CTNNA2: variants seen among roughly 807,000 people sequenced by gnomAD.
CTNNA2 encodes the protein catenin alpha-2.
In CTNNA2, 42 loss-of-function variants were observed where a neutral mutation model predicts 101.0. The ratio of observed to expected loss-of-function variants is 0.42; its 90% CI spans 0.32 to 0.54. CTNNA2 has a LOEUF of 0.54. Ranked by LOEUF, CTNNA2 falls within the 20% of genes least tolerant of loss-of-function variation. The pLI is 0.14. For missense variants in CTNNA2, 871 were observed against 1,223.1 expected, an observed-to-expected ratio of 0.71 and a Z score of 4.29; for synonymous variants, 450 against 456.4, an observed-to-expected ratio of 0.99 and a Z score of 0.18.
At chr2:79,194,078 G>A (rs1042470353) in intron 1 of CTNNA2, among the ~76,000 whole-genome samples, 1 of 152,180 alleles carries the variant, frequency 6.6e-6, no homozygotes. Context: ...TGGATGTTAT[G>A]TATTCGGAGG....
intron 7 of CTNNA2, among the ~76,000 whole-genome samples, chr2:80,041,922 G>A (rs1696087420): frequency 6.6e-6 from 1 of 152,076 alleles, no homozygotes; most frequent in Non-Finnish European, 1.5e-5. Context: ...AATAACAGCA[G>A]TTGATAATCT....
intron 2 of CTNNA2, among the ~76,000 whole-genome samples, chr2:79,659,723 G>A (rs533286946): frequency 6.6e-6 from 1 of 152,306 alleles, no homozygotes; most frequent in East Asian, 1.9e-4. Flanking sequence ...GGGGCCAGGA[G>A]CAGTGGCTCA....
chr2:79,931,880 G>T (rs565928112), intron 7 of CTNNA2, among the ~76,000 whole-genome samples: 1 of 152,282 alleles, frequency 6.6e-6, no homozygotes, highest in Admixed American at 6.5e-5. Context: ...TCCTGGAGAG[G>T]TCACCTACTC....
At chr2:79,477,371 A>T (rs935507488) in intron 4 of CTNNA2, among the ~76,000 whole-genome samples, 4 of 151,794 alleles carry the variant, frequency 2.6e-5, no homozygotes, top group African/African-American at 9.7e-5. Context: ...GGATTTCACC[A>T]TGTTGGCCAG....
intron 3 of CTNNA2, among the ~76,000 whole-genome samples, chr2:79,360,607 G>A (rs892757004): frequency 1.3e-5 from 2 of 152,184 alleles, no homozygotes; most frequent in Non-Finnish European, 1.5e-5. Context: ...AATAACTAAT[G>A]AGACAGGAAA....
chr2:79,874,402 T>C (rs1682843553), intron 6 of CTNNA2, 60 bp downstream of exon 6: 3 of 1,443,752 alleles, frequency 2.1e-6, no homozygotes, highest in Non-Finnish European at 2.8e-6. Context: ...AAAAAAAAAA[T>C]GTATTGAGGA....
chr2:79,863,415 T>A (rs1373884644), intron 4 of CTNNA2, among the ~76,000 whole-genome samples: 1 of 152,104 alleles, frequency 6.6e-6, no homozygotes, highest in East Asian at 1.9e-4. Context: ...AAATGAGGTT[T>A]GCCTCTCCTC....
intron 1 of CTNNA2, among the ~76,000 whole-genome samples, chr2:79,522,361 C>T (rs1017512362): frequency 2.6e-5 from 4 of 152,102 alleles, no homozygotes; most frequent in South Asian, 4.1e-4. Context: ...TTGAGGGGCA[C>T]GGTCCTGGAG....
At chr2:79,405,380 G>A (rs1286508280) in intron 4 of CTNNA2, among the ~76,000 whole-genome samples, 1 of 151,974 alleles carries the variant, frequency 6.6e-6, no homozygotes, top group Non-Finnish European at 1.5e-5. Flanking sequence ...GGCTGGAGTG[G>A]AGTGGTGTGA....
At chr2:79,590,294 T>C (rs796919313) in intron 1 of CTNNA2, among the ~76,000 whole-genome samples, 52 of 152,358 alleles carry the variant, frequency 3.4e-4, no homozygotes, top group African/African-American at 1.2e-3. Flanking sequence ...TGTTCCTGTG[T>C]TTTTTGTAAT....
At chr2:80,226,553 T>A (rs1708899802) in intron 7 of CTNNA2, among the ~76,000 whole-genome samples, 1 of 152,244 alleles carries the variant, frequency 6.6e-6, no homozygotes, top group Non-Finnish European at 1.5e-5. Flanking sequence ...GGCATCACTC[T>A]GATTTGACTG....
chr2:79,342,702 G>T (rs1346992847), intron 3 of CTNNA2, among the ~76,000 whole-genome samples: 6 of 152,224 alleles, frequency 3.9e-5, no homozygotes, highest in African/African-American at 1.2e-4. Flanking sequence ...TAGTCGTTCT[G>T]GTGCTAACAA....
chr2:80,534,075 G>C (rs1450478659), intron 9 of CTNNA2, among the ~76,000 whole-genome samples: 1 of 152,116 alleles, frequency 6.6e-6, no homozygotes, highest in Non-Finnish European at 1.5e-5. Context: ...CTACATTAAA[G>C]TCACCAGGGC....
At chr2:79,626,691 G>T (rs966153841) in intron 1 of CTNNA2, among the ~76,000 whole-genome samples, 1 of 150,864 alleles carries the variant, frequency 6.6e-6, no homozygotes, top group Non-Finnish European at 1.5e-5. Context: ...TGTGGGAAAT[G>T]AATATGAATC....
chr2:79,995,388 A>G (rs947811299), intron 7 of CTNNA2, among the ~76,000 whole-genome samples: 1 of 152,164 alleles, frequency 6.6e-6, no homozygotes, highest in Admixed American at 6.5e-5. Context: ...CCTGTGAGGA[A>G]GCAGCCTACC....
At chr2:80,513,008 C>A (rs984678957) in intron 9 of CTNNA2, among the ~76,000 whole-genome samples, 19 of 152,142 alleles carry the variant, frequency 1.2e-4, no homozygotes, top group African/African-American at 4.1e-4. Context: ...GGGGCATCTT[C>A]TCTTTCCCTT....
chr2:79,359,115 G>T (rs1254068037), intron 3 of CTNNA2, among the ~76,000 whole-genome samples: 1 of 152,030 alleles, frequency 6.6e-6, no homozygotes, highest in Non-Finnish European at 1.5e-5. Context: ...TAAAAAGATG[G>T]GACATGAAAC....
intron 7 of CTNNA2, among the ~76,000 whole-genome samples, chr2:80,185,471 A>T (rs1006176326): frequency 6.6e-6 from 1 of 152,202 alleles, no homozygotes; most frequent in African/African-American, 2.4e-5. Flanking sequence ...CATGAATACC[A>T]GGAGGTGGGG....
intron 7 of CTNNA2, among the ~76,000 whole-genome samples, chr2:80,277,150 A>C: frequency 6.6e-6 from 1 of 152,174 alleles, no homozygotes; most frequent in East Asian, 1.9e-4. Context: ...AGGAACAACC[A>C]AATGGGGAAA....
Sources: allele counts gnomAD v4.1 joint callset (sites outside exome capture counted in the v4.1 genomes callset), GRCh38; gene constraint gnomAD v4.1.1; transcripts MANE v1.5; gene names NCBI Gene and HGNC (gene_info 2026-07-23, HGNC 2026-07-21).